MACROH2A1: variants seen among roughly 807,000 people sequenced by gnomAD.
MACROH2A1 encodes the protein macroH2A.1 histone.
Under a neutral mutation model 31.6 loss-of-function variants are expected in MACROH2A1, and 2 were observed. The ratio of observed to expected loss-of-function variants is 0.06; its 90% CI spans 0.03 to 0.20. The LOEUF (loss-of-function observed/expected upper bound fraction) is 0.20, where lower values mean the gene tolerates loss of function less well. Ranked by LOEUF, MACROH2A1 falls within the 10% of genes least tolerant of loss-of-function variation. The probability of loss-of-function intolerance (pLI) is 1.00; values close to 1 mark genes in which losing one functional copy is unlikely to be tolerated. For synonymous variants in MACROH2A1, 169 were observed against 189.6 expected, an observed-to-expected ratio of 0.89 and a Z score of 0.89; for missense variants, 230 against 474.0, an observed-to-expected ratio of 0.49 and a Z score of 4.78.
intron 8 of MACROH2A1, 57 bp downstream of exon 8, chr5:135,343,203 C>A (rs765474671): frequency 6.2e-7 from 1 of 1,608,088 alleles, no homozygotes; most frequent in Non-Finnish European, 8.5e-7. Context: ...AATTATGGGC[C>A]ATGTGTGCGC....
chr5:135,362,098 C>T (rs1490344481), intron 4 of MACROH2A1: 1 of 152,182 alleles, frequency 6.6e-6, no homozygotes, highest in African/African-American at 2.4e-5. Context: ...ATATACTTTT[C>T]AGGAGCCAAG....
chr5:135,336,857 G>A (rs1473833884), intron 8 of MACROH2A1, among the ~76,000 whole-genome samples: 5 of 152,318 alleles, frequency 3.3e-5, no homozygotes, highest in Admixed American at 1.3e-4. Context: ...ATTGCTTGAG[G>A]AGATAAAAAC....
chr5:135,343,665 C>A, intron 7 of MACROH2A1: 1 of 596,096 alleles, frequency 1.7e-6, no homozygotes, highest in Non-Finnish European at 2.9e-6. Context: ...GAATTTTGAC[C>A]AAGTTCGTAG....
chr5:135,353,196 CA>C, intron 5 of MACROH2A1, 151 bp from the exon 6 acceptor site: 2 of 621,384 alleles, frequency 3.2e-6, no homozygotes, highest in South Asian at 3.9e-5. Context: ...GAACCCATTT[CA>C]AACATAAGAC....
intron 8 of MACROH2A1, among the ~76,000 whole-genome samples, chr5:135,339,151 G>A (rs1759339439): frequency 6.6e-6 from 1 of 152,206 alleles, no homozygotes; most frequent in Admixed American, 6.5e-5. Context: ...AGACTAAAGA[G>A]ACATCTGAGC....
At chr5:135,360,009 G>T in intron 5 of MACROH2A1, 2 of 539,960 alleles carry the variant, frequency 3.7e-6, no homozygotes, top group Non-Finnish European at 4.7e-6. Flanking sequence ...TGGTGGTTCA[G>T]TGAAGAAACC....
chr5:135,347,545 G>A (rs950502340), intron 6 of MACROH2A1: 27 of 152,266 alleles, frequency 1.8e-4, no homozygotes, highest in Non-Finnish European at 2.9e-5. Flanking sequence ...ATGGCAGAGT[G>A]AGAATGTCAC....
chr5:135,362,851 T>C (rs911654118), intron 4 of MACROH2A1: 28 of 152,110 alleles, frequency 1.8e-4, no homozygotes, highest in African/African-American at 6.3e-4. Flanking sequence ...AACTAAAAAA[T>C]AGAATAGAAA....
At chr5:135,396,875 CTT>C (rs1183222124) in intron 1 of MACROH2A1, among the ~76,000 whole-genome samples, 3 of 152,070 alleles carry the variant, frequency 2.0e-5, no homozygotes, top group African/African-American at 7.2e-5. Context: ...CTATACAACT[CTT>C]TGGAATGAAG....
intron 8 of MACROH2A1, among the ~76,000 whole-genome samples, chr5:135,335,429 A>C (rs1409736603): frequency 6.6e-6 from 1 of 150,698 alleles, no homozygotes; most frequent in Non-Finnish European, 1.5e-5. Flanking sequence ...GTGTGCATTA[A>C]GCCCCCGAAG....
intron 4 of MACROH2A1, among the ~76,000 whole-genome samples, chr5:135,363,609 C>T (rs1245723003): frequency 6.6e-6 from 1 of 152,210 alleles, no homozygotes; most frequent in Non-Finnish European, 1.5e-5. Flanking sequence ...TCCGAGTCTG[C>T]TATTGTGAAT....
At chr5:135,368,082 A>G (rs1013089512) in intron 4 of MACROH2A1, among the ~76,000 whole-genome samples, 1 of 152,176 alleles carries the variant, frequency 6.6e-6, no homozygotes, top group Non-Finnish European at 1.5e-5. Flanking sequence ...TCTCTCAAAG[A>G]GCTGGGAGTG....
chr5:135,386,574 C>G (rs926615963), intron 2 of MACROH2A1, among the ~76,000 whole-genome samples: 12 of 152,178 alleles, frequency 7.9e-5, no homozygotes, highest in African/African-American at 2.9e-4. Flanking sequence ...CAGTCCTATG[C>G]CCTGCTGTGA....
chr5:135,397,404 A>C lies in MACROH2A1; in HGVS notation c.-34+1658T>G, dbSNP rs1202673445. ...ACATGTGAAGTTCCAGACAATTCTT[A>C]AAGTTTAATAAAATGTGAGTTAAAT... is the stretch of plus-strand genomic sequence containing the variant. On this transcript the variant is annotated intron_variant, in intron 1 of 8. Coordinates refer to ENST00000511689, the MANE Select transcript of MACROH2A1 (RefSeq NM_138610.3). Among the ~76,000 whole-genome samples, 3 of 152,224 alleles carry C rather than the reference A, an allele frequency of 2.0e-5. No individual in the cohort carries two copies. The South Asian group carries it at 6.2e-4, about 32-fold the overall frequency.
At chr5:135,363,071 T>C (rs749443232) in intron 4 of MACROH2A1, among the ~76,000 whole-genome samples, 1 of 152,104 alleles carries the variant, frequency 6.6e-6, no homozygotes, top group Non-Finnish European at 1.5e-5. Flanking sequence ...GATTCCTTAT[T>C]TGGAAAATAA....
rs1760787434 is a variant in MACROH2A1, at chr5:135,346,070, A to C, written c.689-13T>G. ...TCCAGCGTGTTTCCTAGACAAGGAC[A>C]GGGTGGGGTCAGGTTGCCATTCTGT... is the stretch of plus-strand genomic sequence containing the variant. On this transcript the variant is annotated splice_polypyrimidine_tract_variant and intron_variant, in intron 6 of 8. Coordinates refer to ENST00000511689, the MANE Select transcript of MACROH2A1 (RefSeq NM_138610.3). The C allele has an allele frequency of 6.3e-7, 1 of 1,588,918 alleles. No individual in the cohort carries two copies. The highest frequency in any genetic ancestry group is 1.3e-5 in the African/African-American group (1 of 74,582).
chr5:135,370,658 G>A (rs1764065142), intron 2 of MACROH2A1, among the ~76,000 whole-genome samples: 1 of 152,178 alleles, frequency 6.6e-6, no homozygotes, highest in Non-Finnish European at 1.5e-5. Context: ...GGATGTGACT[G>A]GATTCTTTAC....
chr5:135,368,033 T>C (rs576112687), intron 4 of MACROH2A1, among the ~76,000 whole-genome samples: 5 of 152,204 alleles, frequency 3.3e-5, no homozygotes, highest in Non-Finnish European at 7.4e-5. Flanking sequence ...TGCAAGTGTC[T>C]GGAAATAACT....
chr5:135,364,663 T>C (rs1763269716), intron 4 of MACROH2A1, among the ~76,000 whole-genome samples: 1 of 152,218 alleles, frequency 6.6e-6, no homozygotes, highest in African/African-American at 2.4e-5. Context: ...TTTAAGAAAC[T>C]GTAGAACTGA....
Sources: gnomAD v4.1 joint callset for allele counts (sites outside exome capture counted in the v4.1 genomes callset) on GRCh38, gnomAD v4.1.1 for gene constraint, MANE v1.5 for transcripts, NCBI Gene and HGNC (gene_info 2026-07-23, HGNC 2026-07-21) for gene names.